The following ATP13A4 variants were observed in gnomAD, a reference collection of about 807,000 sequenced individuals.
The protein encoded by ATP13A4 is ATPase 13A4.
Under a neutral mutation model 142.5 loss-of-function variants are expected in ATP13A4, and 114 were observed. The ratio of observed to expected loss-of-function variants is 0.80; its 90% CI spans 0.69 to 0.93. The LOEUF is 0.93. ATP13A4 is among the 40% of genes least tolerant of loss of function. The pLI, the probability that ATP13A4 is intolerant of heterozygous loss-of-function variation, is 0.00. For synonymous variants in ATP13A4, 488 were observed against 514.8 expected (o/e 0.95, Z 0.70); for missense variants, 1,392 against 1,454.0 (o/e 0.96, Z 0.69).
chr3:193,479,383 A>T (rs1203846802), intron 8 of ATP13A4, among the ~76,000 whole-genome samples: 1 of 152,182 alleles, frequency 6.6e-6, no homozygotes, highest in Non-Finnish European at 1.5e-5. Context: ...AGGCTCATCC[A>T]AAAAGCTCCT....
At chr3:193,485,605 A>G (rs191741649) in intron 7 of ATP13A4, among the ~76,000 whole-genome samples, 23 of 152,334 alleles carry the variant, frequency 1.5e-4, no homozygotes, top group Middle Eastern at 3.4e-3. Flanking sequence ...TATTAAAATC[A>G]ATTGACATAG....
intron 25 of ATP13A4, among the ~76,000 whole-genome samples, chr3:193,420,907 T>C (rs2108609768): frequency 6.7e-6 from 1 of 149,726 alleles, no homozygotes; most frequent in South Asian, 2.1e-4. Flanking sequence ...AGACAAGCCA[T>C]AGGACTTACG....
intron 2 of ATP13A4, among the ~76,000 whole-genome samples, chr3:193,511,239 G>T (rs1430002484): frequency 6.6e-6 from 1 of 152,150 alleles, no homozygotes; most frequent in Non-Finnish European, 1.5e-5. Context: ...AGTGAAATTC[G>T]ACAAGGGCTT....
At chr3:193,548,940 GT>G (rs1434131500) in intron 1 of ATP13A4, among the ~76,000 whole-genome samples, 3 of 152,126 alleles carry the variant, frequency 2.0e-5, no homozygotes, top group Non-Finnish European at 4.4e-5. Context: ...AGAGATTCTA[GT>G]TGAAAACATA....
At chr3:193,487,460 T>A (rs1385596677) in intron 7 of ATP13A4, among the ~76,000 whole-genome samples, 2 of 152,186 alleles carry the variant, frequency 1.3e-5, no homozygotes, top group African/African-American at 4.8e-5. Context: ...TCTACTGTTG[T>A]AAGGAATGTA....
Position 193,412,964 on chromosome 3 carries a change from A to G in ATP13A4, c.3015-593T>C, listed in dbSNP as rs191751782. On this transcript the variant is annotated intron_variant, in intron 26 of 29. Transcript: ENST00000342695. The stretch of plus-strand genomic sequence containing the variant: ...GCTTGAATCCAAAGGCAGAGGTTGC[A>G]GTGAGCCTAGAACACACCACTGCAC... 6.8e-3 allele frequency among the ~76,000 whole-genome samples: 1,033 copies of G among 152,284 alleles called. 5 individuals carry two copies. The highest frequency in any genetic ancestry group is 0.011 in the Non-Finnish European group (780 of 68,016).
At position 193,401,919 on chromosome 3, in the gene ATP13A4, C is replaced by A. The variant is rs1322109648; in HGVS notation, c.*733G>T. On this transcript the variant is annotated 3_prime_UTR_variant, in exon 30 of 30. Coordinates refer to ENST00000342695, the MANE Select transcript of ATP13A4 (RefSeq NM_032279.4). ...GGGGTGAGGCAGTGAAGAGCCCACA[C>A]GTGATCTCCAGTCTATTCCTTCCCC... is the stretch of plus-strand genomic sequence containing the variant. Among the ~76,000 whole-genome samples, 1 of 151,946 alleles carries A rather than the reference C, an allele frequency of 6.6e-6. No individual in the cohort carries two copies. Among genetic ancestry groups the A allele is most frequent in the Non-Finnish European group, 1.5e-5 (1 of 67,970 alleles).
intron 1 of ATP13A4, among the ~76,000 whole-genome samples, chr3:193,519,146 C>T (rs1323296361): frequency 6.6e-6 from 1 of 152,192 alleles, no homozygotes; most frequent in Non-Finnish European, 1.5e-5. Context: ...CTAAACTAGG[C>T]AGATCTTTAG....
intron 2 of ATP13A4, among the ~76,000 whole-genome samples, chr3:193,511,239 G>A (rs1430002484): frequency 6.6e-6 from 1 of 152,150 alleles, no homozygotes; most frequent in African/African-American, 2.4e-5. Flanking sequence ...AGTGAAATTC[G>A]ACAAGGGCTT....
intron 2 of ATP13A4, among the ~76,000 whole-genome samples, chr3:193,505,833 G>A (rs1720833525): frequency 1.3e-5 from 2 of 152,172 alleles, no homozygotes; most frequent in African/African-American, 4.8e-5. Flanking sequence ...TCATTTTGGG[G>A]TTGTCCAATA....
intron 25 of ATP13A4, among the ~76,000 whole-genome samples, chr3:193,424,104 C>G (rs549278490): frequency 6.7e-6 from 1 of 148,980 alleles, no homozygotes; most frequent in East Asian, 2.1e-4. Context: ...AATAAGATGC[C>G]TAGAAATAAA....
At chr3:193,464,585 A>T (rs1427513945) in intron 12 of ATP13A4, among the ~76,000 whole-genome samples, 3 of 152,228 alleles carry the variant, frequency 2.0e-5, no homozygotes, top group Admixed American at 6.5e-5. Context: ...TATGCCAGGC[A>T]ATATTCTCAG....
intron 13 of ATP13A4, among the ~76,000 whole-genome samples, chr3:193,461,067 TTTGA>T (rs1344821480): frequency 1.3e-5 from 2 of 152,080 alleles, no homozygotes; most frequent in Non-Finnish European, 2.9e-5. Context: ...GGAATTCAAC[TTTGA>T]TTGGAAGGCA....
intron 26 of ATP13A4, among the ~76,000 whole-genome samples, chr3:193,413,352 G>A (rs1714875954): frequency 1.3e-5 from 2 of 152,150 alleles, no homozygotes; most frequent in Admixed American, 1.3e-4. Context: ...CAAATTGATT[G>A]TAAAACATGT....
At chr3:193,533,633 C>T (rs992777400) in intron 1 of ATP13A4, among the ~76,000 whole-genome samples, 1 of 151,994 alleles carries the variant, frequency 6.6e-6, no homozygotes, top group East Asian at 1.9e-4. Flanking sequence ...AGAAAAGGGG[C>T]GGCCGAGTAA....
At position 193,418,185 on chromosome 3, in the gene ATP13A4, C is replaced by T. The variant is rs180908200; in HGVS notation, c.2843-3435G>A. On this transcript the variant is annotated intron_variant, in intron 25 of 29. Transcript: ENST00000342695. The stretch of plus-strand genomic sequence containing the variant: ...AAAAAAAATTAGCCAGGCGAGGTGG[C>T]GGGCACCTGTAGTCCCAGCTACTCA... Among the ~76,000 whole-genome samples, 160 of 121,592 alleles carry T rather than the reference C, an allele frequency of 1.3e-3. 4 individuals carry two copies. Among genetic ancestry groups the T allele is most frequent in the South Asian group, 2.7e-3 (10 of 3,684 alleles). The allele number at this position is 121,592 out of a possible 152,430, so 79.8% of individuals were successfully genotyped here.
intron 2 of ATP13A4, among the ~76,000 whole-genome samples, chr3:193,511,494 A>G (rs1721138505): frequency 6.6e-6 from 1 of 152,218 alleles, no homozygotes; most frequent in Admixed American, 6.5e-5. Flanking sequence ...AAGGCACGTC[A>G]TCCAGATAAG....
intron 1 of ATP13A4, among the ~76,000 whole-genome samples, chr3:193,540,006 T>A (rs937901720): frequency 6.6e-6 from 1 of 152,114 alleles, no homozygotes; most frequent in African/African-American, 2.4e-5. Flanking sequence ...TATCTCCCCA[T>A]AAGGTTGAAA....
intron 17 of ATP13A4, among the ~76,000 whole-genome samples, chr3:193,453,445 T>C (rs1192463830): frequency 6.6e-6 from 1 of 151,930 alleles, no homozygotes; most frequent in African/African-American, 2.4e-5. Flanking sequence ...AAAGGTGAAA[T>C]AAACATGATA....
Sources: allele counts gnomAD v4.1 joint callset (sites outside exome capture counted in the v4.1 genomes callset), GRCh38; gene constraint gnomAD v4.1.1; transcripts MANE v1.5; gene names NCBI Gene and HGNC (gene_info 2026-07-23, HGNC 2026-07-21).